LMAN1: variants seen among roughly 807,000 people sequenced by gnomAD.
LMAN1 encodes protein ERGIC-53.
A neutral mutation model predicts 67.8 loss-of-function variants in LMAN1; 32 were observed. That is an observed-to-expected ratio of 0.47 (90% CI 0.36 to 0.63). LMAN1 has a LOEUF of 0.63. Ranked by LOEUF, LMAN1 falls within the 30% of genes least tolerant of loss-of-function variation. LMAN1 has a pLI of 0.00. For synonymous variants in LMAN1, 235 were observed against 219.3 expected (o/e 1.07, Z -0.63); for missense variants, 632 against 628.2 (o/e 1.01, Z -0.06).
chr18:59,338,804 C>T lies in LMAN1; in HGVS notation c.1105G>A (p.Glu369Lys). Residue 369 changes from glutamate to lysine, a missense_variant, in exon 9 of 13, where the codon GAA (glutamate) becomes AAA (lysine). Coordinates refer to ENST00000251047, the MANE Select transcript of LMAN1 (RefSeq NM_005570.4). ...ATTCCTGCTCCTCTTTTAGAGATTTCCTCTGTTAAGGAAGAGACATATCTT... is the reference window on the plus strand; with the variant it reads ...ATTCCTGCTCCTCTTTTAGAGATTTTCTCTGTTAAGGAAGAGACATATCTT... ...QRRYVSSLTE[E>K]ISKRGAGMPG... The T allele has an allele frequency of 6.2e-7, 1 of 1,614,116 alleles. No individual in the cohort carries two copies.
Position 59,345,928 on chromosome 18 carries a change from C to T in LMAN1, c.946G>A (p.Gly316Arg), listed in dbSNP as rs1259231401. ...CTTTGCTACAACTCACCAGGCTGCC[C>T]TTGGAGGTCGGGGTGGCCCTTCTGG... ...EFQKGHPDLQ[G>R]QPAEEIFESV... The change falls in exon 8 of 13, where the codon GGG becomes AGG. Residue 316 changes from glycine to arginine, a missense_variant. Coordinates refer to ENST00000251047, the MANE Select transcript of LMAN1 (RefSeq NM_005570.4). 1.9e-6 allele frequency: 3 copies of T among 1,614,002 alleles called. No individual in the cohort carries two copies. Among genetic ancestry groups the T allele is most frequent in the East Asian group, 4.5e-5 (2 of 44,880 alleles).
Position 59,333,072 on chromosome 18 carries a change from G to T in LMAN1, c.1374+19C>A. ...TTCCTAAAGATTATAATTATAAAAG[G>T]AAAAGGAAACAAAGTTACCATATTT... is the stretch of plus-strand genomic sequence containing the variant. On this transcript the variant is annotated intron_variant, in intron 11 of 12. Coordinates refer to ENST00000251047, the MANE Select transcript of LMAN1 (RefSeq NM_005570.4). The T allele has an allele frequency of 6.2e-7, 1 of 1,600,504 alleles. No individual in the cohort carries two copies. The highest frequency in any genetic ancestry group is 2.2e-5 in the East Asian group (1 of 44,766).
intron 7 of LMAN1, among the ~76,000 whole-genome samples, chr18:59,346,857 A>G (rs554323507): frequency 6.6e-6 from 1 of 152,048 alleles, no homozygotes; most frequent in Non-Finnish European, 1.5e-5. Flanking sequence ...CCATTTACTG[A>G]GCACTTGCTA....
chr18:59,355,190 A>C, intron 3 of LMAN1, 123 bp downstream of exon 3: 1 of 758,756 alleles, frequency 1.3e-6, no homozygotes, highest in Non-Finnish European at 2.3e-6. Flanking sequence ...CACATTTACC[A>C]TATAGCTTGG....
rs377229331 is a variant in LMAN1, at chr18:59,333,225, C to T, written c.1240G>A (p.Val414Ile). 3.6e-5 allele frequency: 58 copies of T among 1,613,156 alleles called. No homozygotes were observed. Among genetic ancestry groups the T allele is most frequent in the African/African-American group, 3.5e-4 (26 of 74,824 alleles). The change falls in exon 11 of 13, where the codon GTC becomes ATC. Residue 414 changes from valine (V) to isoleucine (I), a missense_variant. Transcript: ENST00000251047. ...TGCTGCATTCCACTGACCAGTCTGA[C>T]GGTTTCACTCATGGAATTTCTGAAA... ...NEMKNSMSETVRLVSGMQHPG... is the reference protein window; with the variant it reads ...NEMKNSMSETIRLVSGMQHPG...
chr18:59,347,687 G>C lies in LMAN1; in HGVS notation c.764-116C>G. The C allele has an allele frequency of 1.4e-5, 11 of 792,912 alleles. No homozygotes were observed. In the South Asian group the frequency reaches 1.9e-4, roughly 13 times the overall value. 49.1% of individuals were successfully genotyped at this position (792,912 alleles called of 1,614,324 possible). On this transcript the variant is annotated intron_variant, in intron 6 of 12. Coordinates refer to ENST00000251047, the MANE Select transcript of LMAN1 (RefSeq NM_005570.4). The stretch of plus-strand genomic sequence containing the variant: ...AATAACAATAACCAGTGAGGGAATT[G>C]ACAAAAATTAGCACTAATTTGGTAA...
chr18:59,345,271 A>G (rs1367991512), intron 8 of LMAN1, among the ~76,000 whole-genome samples: 3 of 152,222 alleles, frequency 2.0e-5, no homozygotes. Flanking sequence ...CAATTCAGAT[A>G]AAAAGCTAGC....
chr18:59,331,100 A>AT lies in LMAN1; in HGVS notation c.1525_1526insA (p.Phe509TyrfsTer33), dbSNP rs2070744539. 6.2e-7 allele frequency: 1 copy of AT among 1,611,368 alleles called. No individual in the cohort carries two copies. Among genetic ancestry groups the AT allele is most frequent in the African/African-American group, 1.3e-5 (1 of 74,828 alleles). ...TACACAGGAAAATGGTAGTCAAAAG[A>AT]ATTTTTTGGCAGCTGCTTCTTGCTG... On this transcript the variant is annotated frameshift_variant, in exon 13 of 13. Coordinates refer to ENST00000251047, the MANE Select transcript of LMAN1 (RefSeq NM_005570.4). LOFTEE classifies it high-confidence loss of function.
intron 1 of LMAN1, among the ~76,000 whole-genome samples, chr18:59,356,461 T>C (rs1014208854): frequency 6.6e-6 from 1 of 152,204 alleles, no homozygotes. Context: ...TCTCCTATTA[T>C]TAGACTAGGT....
At chr18:59,338,213 C>G (rs1250554044) in intron 10 of LMAN1, among the ~76,000 whole-genome samples, 2 of 152,054 alleles carry the variant, frequency 1.3e-5, no homozygotes, top group Non-Finnish European at 2.9e-5. Context: ...ATATTTATTC[C>G]TCTAGTACTT....
At chr18:59,358,991 G>C (rs767703062) in intron 1 of LMAN1, 40 bp downstream of exon 1, 6 of 1,588,166 alleles carry the variant, frequency 3.8e-6, no homozygotes, top group South Asian at 1.1e-5. Flanking sequence ...CAGCAGAAGG[G>C]GGAGAGGAAC....
chr18:59,347,721 G>T, intron 6 of LMAN1, 150 bp from the exon 7 acceptor site: 1 of 640,858 alleles, frequency 1.6e-6, no homozygotes. Flanking sequence ...AAAGGCAATG[G>T]CACTCTGTGA....
intron 1 of LMAN1, among the ~76,000 whole-genome samples, chr18:59,356,067 C>T (rs1311268234): frequency 1.3e-5 from 2 of 152,164 alleles, no homozygotes; most frequent in Non-Finnish European, 2.9e-5. Flanking sequence ...AGACTTGTTC[C>T]TAGTCTCAGT....
chr18:59,355,519 A>G lies in LMAN1; in HGVS notation c.354T>C (p.Ile118=), dbSNP rs781668074. 9.9e-6 allele frequency: 16 copies of G among 1,613,988 alleles called. No homozygotes were observed. The highest frequency in any genetic ancestry group is 1.3e-5 in the African/African-American group (1 of 74,924). Residue 118 remains isoleucine (I), a synonymous_variant, in exon 2 of 13, where the codon ATT becomes ATC. Coordinates refer to ENST00000251047, the MANE Select transcript of LMAN1 (RefSeq NM_005570.4). ...ATGATCATACTAGGCCATCAGCTCC[A>G]ATTCGACCTCTTCCAGTCACTCGAA... ...VTFRVTGRGR[I]GADGLAIWYA... is the part of the protein sequence containing the mutation.
chr18:59,353,009 C>A, intron 5 of LMAN1, 193 bp downstream of exon 5: 1 of 575,434 alleles, frequency 1.7e-6, no homozygotes. Flanking sequence ...TAAATGGAAA[C>A]ATACCATCAG....
chr18:59,357,225 G>A (rs1908679432), intron 1 of LMAN1, among the ~76,000 whole-genome samples: 1 of 152,136 alleles, frequency 6.6e-6, no homozygotes, highest in Admixed American at 6.5e-5. Context: ...CTAGCCACAC[G>A]GCTTTAATTT....
chr18:59,331,580 G>A (rs1419503772), intron 11 of LMAN1, 41 bp from the exon 12 acceptor site: 2 of 1,606,128 alleles, frequency 1.2e-6, no homozygotes, highest in Non-Finnish European at 1.7e-6. Context: ...AGTCAAAATA[G>A]CAGTTTGGAA....
chr18:59,333,870 C>T (rs1394170499), intron 10 of LMAN1, among the ~76,000 whole-genome samples: 1 of 150,888 alleles, frequency 6.6e-6, no homozygotes, highest in African/African-American at 2.4e-5. Flanking sequence ...AAAAGAGACT[C>T]AAATTACTTA....
In LMAN1 at chr18:59,345,926, C is replaced by A; in HGVS notation, c.948G>T (p.Gly316=). The change falls in exon 8 of 13, where the codon GGG becomes GGT. Residue 316 remains glycine, a synonymous_variant. Coordinates refer to ENST00000251047, the MANE Select transcript of LMAN1 (RefSeq NM_005570.4). ...EFQKGHPDLQ[G]QPAEEIFESV... is the part of the protein sequence containing the mutation. ...AGCTTTGCTACAACTCACCAGGCTGCCCTTGGAGGTCGGGGTGGCCCTTCT... is the reference window on the plus strand; with the variant it reads ...AGCTTTGCTACAACTCACCAGGCTGACCTTGGAGGTCGGGGTGGCCCTTCT... 6.2e-7 allele frequency: 1 copy of A among 1,613,964 alleles called. No homozygotes were observed. The highest frequency in any genetic ancestry group is 8.5e-7 in the Non-Finnish European group (1 of 1,180,020).
Sources: gnomAD v4.1 joint callset for allele counts (sites outside exome capture counted in the v4.1 genomes callset) on GRCh38, gnomAD v4.1.1 for gene constraint, MANE v1.5 for transcripts, NCBI Gene and HGNC (gene_info 2026-07-23, HGNC 2026-07-21) for gene names.